SLC24A2: variants seen among roughly 807,000 people sequenced by gnomAD.
SLC24A2 encodes sodium/potassium/calcium exchanger 2.
Under a neutral mutation model 62.0 loss-of-function variants are expected in SLC24A2, and 36 were observed. The observed-to-expected ratio is 0.58, with a 90% CI of 0.44 to 0.77. SLC24A2 has a LOEUF of 0.77. Among genes scored for constraint, SLC24A2 ranks in the 30% least tolerant of loss-of-function variants. The pLI, the probability that SLC24A2 is intolerant of heterozygous loss-of-function variation, is 0.00. For missense variants in SLC24A2, 846 were observed against 817.9 expected (o/e 1.03, Z -0.42); for synonymous variants, 358 against 294.0 (o/e 1.22, Z -2.23).
At chr9:19,579,293 T>C (rs1042302629) in intron 5 of SLC24A2, among the ~76,000 whole-genome samples, 9 of 152,286 alleles carry the variant, frequency 5.9e-5, no homozygotes, top group South Asian at 2.1e-4. Context: ...CTGAAGGTTT[T>C]CCAGGCTGTG....
chr9:20,106,097 G>C, the SLC24A2 span, among the ~76,000 whole-genome samples: 1 of 152,190 alleles, frequency 6.6e-6, no homozygotes, highest in African/African-American at 2.4e-5. Context: ...AGAAAATCTA[G>C]AAGAAATGGA....
the SLC24A2 span, among the ~76,000 whole-genome samples, chr9:20,074,549 AGAAGGCAG>A: frequency 8.0e-6 from 1 of 125,030 alleles, no homozygotes. Flanking sequence ...TAGGAAGAGA[AGAAGGCAG>A]GAAGGAAGGA....
chr9:19,846,383 T>C, the SLC24A2 span, among the ~76,000 whole-genome samples: 1 of 152,192 alleles, frequency 6.6e-6, no homozygotes, highest in African/African-American at 2.4e-5. Flanking sequence ...TGGTTTAAAG[T>C]CTGCTTTAAC....
At chr9:20,088,796 G>A in the SLC24A2 span, among the ~76,000 whole-genome samples, 1 of 151,600 alleles carries the variant, frequency 6.6e-6, no homozygotes, top group Admixed American at 6.6e-5. Context: ...CTCCCCAACT[G>A]GTGTGTTTGG....
At chr9:19,556,883 T>A (rs1352614383) in intron 7 of SLC24A2, among the ~76,000 whole-genome samples, 1 of 152,232 alleles carries the variant, frequency 6.6e-6, no homozygotes, top group Non-Finnish European at 1.5e-5. Flanking sequence ...GTTACCTTCC[T>A]GTACAAGAAC....
At chr9:19,680,943 G>A (rs1022497753) in intron 2 of SLC24A2, among the ~76,000 whole-genome samples, 1 of 151,548 alleles carries the variant, frequency 6.6e-6, no homozygotes, top group South Asian at 2.1e-4. Flanking sequence ...CCACCTGCCC[G>A]ATAAGTGCAA....
chr9:19,950,293 A>G, the SLC24A2 span, among the ~76,000 whole-genome samples: 1 of 152,200 alleles, frequency 6.6e-6, no homozygotes, highest in Non-Finnish European at 1.5e-5. Context: ...GCTATAGAAG[A>G]GTTTGCTATT....
At position 19,521,009 on chromosome 9, in the gene SLC24A2, C is replaced by G; in HGVS notation, c.1621G>C (p.Ala541Pro). The G allele has an allele frequency of 1.2e-6, 2 of 1,614,078 alleles. No individual in the cohort carries two copies. The highest frequency in any genetic ancestry group is 1.7e-6 in the Non-Finnish European group (2 of 1,179,994). The change falls in exon 10 of 11, where the codon GCT (alanine) becomes CCT (proline). Residue 541 changes from alanine (A) to proline (P), a missense_variant. Ala to Pro is a conservative substitution (Grantham distance 27, BLOSUM62 -1). Coordinates refer to ENST00000341998, the MANE Select transcript of SLC24A2 (RefSeq NM_020344.4). ...AGATCAGGGATGGAGGTCCCAGCAG[C>G]CAAGATGGTCAGGCCCATAATCTCT... is the stretch of plus-strand genomic sequence containing the variant. ...SEEIMGLTIL[A>P]AGTSIPDLIT...
chr9:20,056,067 A>G, the SLC24A2 span, among the ~76,000 whole-genome samples: 1 of 152,204 alleles, frequency 6.6e-6, no homozygotes, highest in African/African-American at 2.4e-5. Context: ...GTTCTAGAAG[A>G]CATCTGCCTC....
the SLC24A2 span, among the ~76,000 whole-genome samples, chr9:20,243,970 C>T: frequency 6.6e-6 from 1 of 152,026 alleles, no homozygotes; most frequent in Non-Finnish European, 1.5e-5. Context: ...GGAGGGGGAT[C>T]AGGCGGAGAT....
the SLC24A2 span, among the ~76,000 whole-genome samples, chr9:20,018,351 T>C: frequency 6.6e-6 from 1 of 152,292 alleles, no homozygotes; most frequent in African/African-American, 2.4e-5. Flanking sequence ...TCTTCCTCTA[T>C]CTGTCTATCA....
At chr9:20,093,704 G>C in the SLC24A2 span, among the ~76,000 whole-genome samples, 1 of 152,116 alleles carries the variant, frequency 6.6e-6, no homozygotes, top group Non-Finnish European at 1.5e-5. Context: ...CTTGGGGATT[G>C]TTAATGGGTA....
At chr9:19,692,266 T>G (rs527497397) in intron 2 of SLC24A2, among the ~76,000 whole-genome samples, 2 of 152,162 alleles carry the variant, frequency 1.3e-5, no homozygotes, top group Admixed American at 1.3e-4. Flanking sequence ...TGTTGTCAAG[T>G]CACAAAACAG....
intron 8 of SLC24A2, among the ~76,000 whole-genome samples, chr9:19,547,824 AAG>A (rs144102670): frequency 4.6e-5 from 7 of 150,652 alleles, no homozygotes; most frequent in African/African-American, 7.3e-5. Flanking sequence ...ACAGCAGAGC[AAG>A]AGAGAGAGAG....
chr9:20,070,422 C>T, the SLC24A2 span, among the ~76,000 whole-genome samples: 1 of 152,178 alleles, frequency 6.6e-6, no homozygotes, highest in African/African-American at 2.4e-5. Context: ...ATAAGCTCAG[C>T]TTTGTCTCAT....
chr9:19,939,797 G>C, the SLC24A2 span, among the ~76,000 whole-genome samples: 3 of 152,302 alleles, frequency 2.0e-5, no homozygotes, highest in Admixed American at 6.5e-5. Context: ...TGCAGCACGT[G>C]ACTATAATGC....
At chr9:20,032,753 G>A in the SLC24A2 span, among the ~76,000 whole-genome samples, 2 of 152,298 alleles carry the variant, frequency 1.3e-5, no homozygotes, top group Admixed American at 1.3e-4. Context: ...CATGAATGAG[G>A]TGGTGGCGGG....
intron 2 of SLC24A2, among the ~76,000 whole-genome samples, chr9:19,713,446 A>G (rs1314688324): frequency 6.6e-6 from 1 of 152,222 alleles, no homozygotes; most frequent in Non-Finnish European, 1.5e-5. Context: ...TTTGAATGCG[A>G]AAATAAATTA....
chr9:19,872,825 C>A, the SLC24A2 span, among the ~76,000 whole-genome samples: 23 of 152,254 alleles, frequency 1.5e-4, no homozygotes, highest in African/African-American at 5.3e-4. Context: ...TCCCTTATAC[C>A]ATAGCAATTT....
Sources: gnomAD v4.1 joint callset for allele counts (sites outside exome capture counted in the v4.1 genomes callset) on GRCh38, gnomAD v4.1.1 for gene constraint, MANE v1.5 for transcripts, NCBI Gene and HGNC (gene_info 2026-07-23, HGNC 2026-07-21) for gene names.